The following CYP4X1 variants were observed in gnomAD, a reference collection of about 807,000 sequenced individuals.
CYP4X1 encodes the protein cytochrome P450 4X1.
A neutral mutation model predicts 57.9 loss-of-function variants in CYP4X1; 44 were observed. That is an observed-to-expected ratio of 0.76 (90% CI 0.60 to 0.98). The LOEUF (loss-of-function observed/expected upper bound fraction) is 0.98. CYP4X1 is among the 50% of genes least tolerant of loss of function. The pLI, the probability that CYP4X1 is intolerant of heterozygous loss-of-function variation, is 0.00. For missense variants in CYP4X1, 532 were observed against 623.9 expected, an observed-to-expected ratio of 0.85 and a Z score of 1.57; for synonymous variants, 227 against 228.6, an observed-to-expected ratio of 0.99 and a Z score of 0.06.
intron 6 of CYP4X1, among the ~76,000 whole-genome samples, chr1:47,037,338 C>T (rs1322762577): frequency 7.4e-6 from 1 of 134,424 alleles, no homozygotes; most frequent in Non-Finnish European, 1.5e-5. Context: ...GTGGTGTGAT[C>T]TCAGCTCACT....
chr1:46,988,797 A>G, the CYP4X1 span, among the ~76,000 whole-genome samples: 1 of 152,060 alleles, frequency 6.6e-6, no homozygotes, highest in African/African-American at 2.4e-5. Context: ...ATGATTATTT[A>G]TCTCAATAGA....
downstream of CYP4X1, among the ~76,000 whole-genome samples, chr1:47,051,612 T>C (rs921397441): frequency 6.6e-6 from 1 of 152,132 alleles, no homozygotes; most frequent in Non-Finnish European, 1.5e-5. Context: ...TATAACATGA[T>C]GATTCTCAAA....
At chr1:46,961,507 G>C in the CYP4X1 span, 1 of 1,172,206 alleles carries the variant, frequency 8.5e-7, no homozygotes. Flanking sequence ...GCCCAACTAT[G>C]TCAAAGCTGT....
chr1:47,024,013 G>A lies in CYP4X1; in HGVS notation c.177+19G>A. ...CCAGAAGGTAGATGGGAGGGAGGAG[G>A]GAGGAAGGAGGAGGGAGGGGCGGAG... On this transcript the variant is annotated intron_variant, in intron 1 of 11. Transcript: ENST00000371901. 3 of 1,602,952 alleles carry A rather than the reference G, an allele frequency of 1.9e-6. No individual in the cohort carries two copies. Among genetic ancestry groups the A allele is most frequent in the Non-Finnish European group, 2.6e-6 (3 of 1,174,182 alleles).
the CYP4X1 span, among the ~76,000 whole-genome samples, chr1:46,968,429 T>C: frequency 2.6e-5 from 4 of 152,148 alleles, no homozygotes; most frequent in Non-Finnish European, 5.9e-5. Flanking sequence ...CAGCCCTCCA[T>C]GGACTGTTGC....
At chr1:47,012,390 G>A in the CYP4X1 span, among the ~76,000 whole-genome samples, 48,146 of 151,576 alleles carry the variant, frequency 0.32, 8,083 homozygotes, top group East Asian at 0.51. Context: ...GGGGAACATC[G>A]CACACCAGGG....
chr1:46,999,236 G>T, the CYP4X1 span, among the ~76,000 whole-genome samples: 2 of 152,030 alleles, frequency 1.3e-5, no homozygotes, highest in Non-Finnish European at 2.9e-5. Context: ...TTTTATTACT[G>T]ATTCAATTTT....
intron 7 of CYP4X1, 106 bp from the exon 8 acceptor site, chr1:47,039,236 C>T: frequency 5.0e-6 from 5 of 994,758 alleles, no homozygotes; most frequent in Non-Finnish European, 2.9e-6. Context: ...AAATTTAAAC[C>T]CCTATTTAAA....
intron 4 of CYP4X1, 134 bp downstream of exon 4, chr1:47,033,502 GAAC>G: frequency 3.6e-6 from 4 of 1,114,778 alleles, no homozygotes; most frequent in Non-Finnish European, 4.9e-6. Context: ...CGTACTTATT[GAAC>G]AATAGGTGTC....
At chr1:47,038,881 G>A (rs1257516089) in intron 7 of CYP4X1, 115 bp downstream of exon 7, 1 of 741,066 alleles carries the variant, frequency 1.3e-6, no homozygotes, top group Non-Finnish European at 2.1e-6. Context: ...AAATTTAACT[G>A]TACTTTGAAT....
chr1:47,024,094 G>C, intron 1 of CYP4X1, 100 bp downstream of exon 1: 1 of 1,429,814 alleles, frequency 7.0e-7, no homozygotes, highest in Non-Finnish European at 9.4e-7. Flanking sequence ...TTCCATCCCT[G>C]GGGACCCTCC....
Position 47,048,585 on chromosome 1 carries a change from ATT to A in CYP4X1, c.1230_1231del (p.Ile410MetfsTer17). ...LPAGITVVLSIWGLHHNPAVW... is the reference protein window; with the variant it reads ...LPAGITVVLSXWGLHHNPAVW... ...CTTAGGGATCACCGTGGTTCTTAGTATTTGGGGTCTTCACCACAACCCTGCTG... is the reference window on the plus strand; with the variant it reads ...CTTAGGGATCACCGTGGTTCTTAGTATGGGGTCTTCACCACAACCCTGCTG... On this transcript the variant is annotated frameshift_variant, in exon 10 of 12. Transcript: ENST00000371901. LOFTEE classifies it high-confidence loss of function. 3 of 1,614,124 alleles carry A rather than the reference ATT, an allele frequency of 1.9e-6. No homozygotes were observed. The highest frequency in any genetic ancestry group is 2.5e-6 in the Non-Finnish European group (3 of 1,180,000).
chr1:47,009,595 C>A, the CYP4X1 span, among the ~76,000 whole-genome samples: 2 of 152,060 alleles, frequency 1.3e-5, no homozygotes, highest in African/African-American at 4.8e-5. Flanking sequence ...ACACAAAAAA[C>A]CCTTCAAAAA....
chr1:47,022,975 C>G (rs1004447349), upstream of CYP4X1, among the ~76,000 whole-genome samples: 3 of 152,106 alleles, frequency 2.0e-5, no homozygotes, highest in African/African-American at 7.2e-5. Context: ...CTACATTTTC[C>G]TGTTATCTGT....
intron 4 of CYP4X1, among the ~76,000 whole-genome samples, chr1:47,034,891 T>C (rs9701868): frequency 0.46 from 70,394 of 151,596 alleles, 18,301 homozygotes; most frequent in East Asian, 0.97. Context: ...TCCAGAGTTT[T>C]TCAAGCTTGG....
the CYP4X1 span, among the ~76,000 whole-genome samples, chr1:46,995,086 A>C: frequency 6.6e-6 from 1 of 152,096 alleles, no homozygotes; most frequent in African/African-American, 2.4e-5. Context: ...TCATCGCCCA[A>C]GGTGATGGTG....
intron 9 of CYP4X1, among the ~76,000 whole-genome samples, chr1:47,047,861 C>T (rs1019735943): frequency 6.6e-6 from 1 of 152,022 alleles, no homozygotes; most frequent in Non-Finnish European, 1.5e-5. Flanking sequence ...CCTCCCAAAG[C>T]GCTGGGACTA....
At chr1:47,039,564 GT>G in intron 8 of CYP4X1, 32 bp downstream of exon 8, 1 of 1,545,210 alleles carries the variant, frequency 6.5e-7, no homozygotes, top group African/African-American at 1.4e-5. Context: ...TTTCCTGCTA[GT>G]TTTCCCCCTG....
chr1:47,024,635 T>G (rs72890400), intron 1 of CYP4X1, among the ~76,000 whole-genome samples: 22 of 152,252 alleles, frequency 1.4e-4, no homozygotes, highest in African/African-American at 5.1e-4. Context: ...AAAGAGAAGC[T>G]AAGTCCCTCC....
Sources: gnomAD v4.1 joint callset for allele counts (sites outside exome capture counted in the v4.1 genomes callset) on GRCh38, gnomAD v4.1.1 for gene constraint, MANE v1.5 for transcripts, NCBI Gene and HGNC (gene_info 2026-07-23, HGNC 2026-07-21) for gene names.